The following SUGP1 variants were observed in gnomAD, a reference collection of about 807,000 sequenced individuals.
SUGP1 encodes SURP and G-patch domain containing 1, also known as SURP and G-patch domain-containing protein 1.
A neutral mutation model predicts 76.5 loss-of-function variants in SUGP1; 34 were observed. The ratio of observed to expected loss-of-function variants is 0.44; its 90% CI spans 0.34 to 0.59. The LOEUF is 0.59. SUGP1 is among the 20% of genes least tolerant of loss of function. The pLI, the probability that SUGP1 is intolerant of heterozygous loss-of-function variation, is 0.01. For synonymous variants in SUGP1, 326 were observed against 326.2 expected (o/e 1.00, Z 0.01); for missense variants, 752 against 851.7 (o/e 0.88, Z 1.46).
rs747693249 is a variant in SUGP1 at position 19,278,455 on chromosome 19, CA to C, written c.1635+234del. On this transcript the variant is annotated intron_variant, in intron 11 of 13. Transcript: ENST00000247001. ...TGCACTTAATTGGCTCCACTGGAAGCAAAATTTCCCCCGCAGCCCCAGGAAA... is the reference window on the plus strand; with the variant it reads ...TGCACTTAATTGGCTCCACTGGAAGCAAATTTCCCCCGCAGCCCCAGGAAA... Among the ~76,000 whole-genome samples the C allele has an allele frequency of 9.9e-5, 15 of 152,178 alleles. No individual in the cohort carries two copies. The East Asian group carries it at 2.9e-3, about 29-fold the overall frequency.
At chr19:19,307,447 T>C (rs899320052) in intron 3 of SUGP1, among the ~76,000 whole-genome samples, 7 of 152,028 alleles carry the variant, frequency 4.6e-5, no homozygotes, top group African/African-American at 1.7e-4. Flanking sequence ...AGTTGGACCA[T>C]CTAGACCTAA....
chr19:19,318,425 T>G (rs1368667966), intron 1 of SUGP1, among the ~76,000 whole-genome samples: 1 of 151,730 alleles, frequency 6.6e-6, no homozygotes, highest in Non-Finnish European at 1.5e-5. Flanking sequence ...CAGCCGTTTT[T>G]TTTGTTTTGT....
intron 8 of SUGP1, among the ~76,000 whole-genome samples, chr19:19,288,033 A>G (rs2061154617): frequency 6.6e-6 from 1 of 152,102 alleles, no homozygotes; most frequent in Non-Finnish European, 1.5e-5. Flanking sequence ...TAAATAGTCA[A>G]TATATTTTCT....
intron 3 of SUGP1, among the ~76,000 whole-genome samples, chr19:19,306,671 C>T (rs1262705575): frequency 6.6e-6 from 1 of 152,258 alleles, no homozygotes; most frequent in Non-Finnish European, 1.5e-5. Flanking sequence ...AGAAGCTCCA[C>T]GGGTGACGAT....
chr19:19,317,808 CTTTTTTT>C (rs781257871), intron 1 of SUGP1, among the ~76,000 whole-genome samples: 1 of 110,612 alleles, frequency 9.0e-6, no homozygotes, highest in Non-Finnish European at 1.8e-5. Flanking sequence ...GCCCCAGTGG[CTTTTTTT>C]TTTTTTTTTT....
rs1284466846 is a variant in SUGP1, at chr19:19,303,304, T to C, written c.763+44A>G. On this transcript the variant is annotated intron_variant, in intron 6 of 13. Coordinates refer to ENST00000247001, the MANE Select transcript of SUGP1 (RefSeq NM_172231.4). ...CGATTCCGCATTGGGGCACGGTATG[T>C]CCACAGGCCTCCCCAGAATCTCCCA... 3.9e-6 allele frequency: 6 copies of C among 1,550,110 alleles called. No individual in the cohort carries two copies. The Admixed American group carries it at 1.0e-4, about 26-fold the overall frequency.
intron 1 of SUGP1, among the ~76,000 whole-genome samples, chr19:19,318,086 C>T (rs886555530): frequency 6.7e-6 from 1 of 149,448 alleles, no homozygotes; most frequent in African/African-American, 2.5e-5. Flanking sequence ...GCTGGAATTA[C>T]AGGCGTGAGC....
Position 19,297,363 on chromosome 19 carries a change from G to T in SUGP1, c.888-19C>A. The T allele has an allele frequency of 6.6e-7, 1 of 1,504,772 alleles. No individual in the cohort carries two copies. The allele number at this position is 1,504,772 out of a possible 1,614,324, so 93.2% of individuals were successfully genotyped here. A position where few individuals can be genotyped will look rare whatever the true frequency, so the allele number is the denominator to read the frequency against. ...CAGAAAGCTGCAAAGGAGAGTTGGG[G>T]GGTGCAGTGTCAGCTGGGCCCGAGG... On this transcript the variant is annotated intron_variant, in intron 7 of 13. Coordinates refer to ENST00000247001, the MANE Select transcript of SUGP1 (RefSeq NM_172231.4).
chr19:19,320,278 G>C (rs2061432911), intron 1 of SUGP1, among the ~76,000 whole-genome samples, 185 bp downstream of exon 1: 1 of 152,222 alleles, frequency 6.6e-6, no homozygotes, highest in African/African-American at 2.4e-5. Context: ...AAACCAAGCG[G>C]GGGCGGCCAG....
At chr19:19,301,151 C>T (rs1435103939) in intron 7 of SUGP1, among the ~76,000 whole-genome samples, 1 of 152,136 alleles carries the variant, frequency 6.6e-6, no homozygotes, top group Non-Finnish European at 1.5e-5. Context: ...ATCCCCAGGG[C>T]CAGTCTGACA....
In SUGP1 at chr19:19,310,172, T is replaced by C. The variant is rs199887237; in HGVS notation, c.235A>G (p.Ile79Val). 1 of 1,613,630 alleles carries C rather than the reference T, an allele frequency of 6.2e-7. No homozygotes were observed. Among genetic ancestry groups the C allele is most frequent in the African/African-American group, 1.3e-5 (1 of 74,916 alleles). Residue 79 changes from isoleucine to valine, a missense_variant, in exon 3 of 14, where the codon ATT becomes GTT. By Grantham distance (29) the Ile-to-Val change is conservative (BLOSUM62 3). This residue lies in a region of SUGP1 where 620 missense variants were observed against 617.3 expected (regional missense o/e 1.00). Transcript: ENST00000247001. ...EITNAHNSSC[I>V]SNKFANDGSF... is the part of the protein sequence containing the mutation. Reference sequence around the variant, plus strand: ...CCATCGTTGGCAAACTTGTTGGAAATGCAGGAAGAGTTGTGTGCATTTGTG... The same window carrying C: ...CCATCGTTGGCAAACTTGTTGGAAACGCAGGAAGAGTTGTGTGCATTTGTG...
chr19:19,297,043 G>A lies in SUGP1; in HGVS notation c.1189C>T (p.Pro397Ser), dbSNP rs761900209. The change falls in exon 8 of 14, where the codon CCA becomes TCA. Residue 397 changes from proline (P) to serine (S), a missense_variant. Physicochemically the swap from Pro to Ser is moderately conservative, Grantham distance 74. This residue lies in a region of SUGP1 where 620 missense variants were observed against 617.3 expected (regional missense o/e 1.00). Transcript: ENST00000247001. ...TCCCTCTGCACCAGTTCAGCAGGTG[G>A]GAGCTCTACCTTATCCTCTTCAGGC... ...WGPEEDKVEL[P>S]PAELVQRDVD... 7.7e-5 allele frequency: 123 copies of A among 1,606,776 alleles called. 1 individual carries two copies. In the South Asian group the frequency reaches 1.3e-3, roughly 17 times the overall value.
rs1384874298 is a variant in SUGP1 at position 19,277,891 on chromosome 19, G to C, written c.1636-12C>G. ...GGCTCACGGCCCTCCTGCAAGGTGAGGAGGTAGCTGTCACCCACCAGGGCT... is the reference window on the plus strand; with the variant it reads ...GGCTCACGGCCCTCCTGCAAGGTGACGAGGTAGCTGTCACCCACCAGGGCT... On this transcript the variant is annotated splice_polypyrimidine_tract_variant and intron_variant, in intron 11 of 13. Coordinates refer to ENST00000247001, the MANE Select transcript of SUGP1 (RefSeq NM_172231.4). 3 of 1,612,642 alleles carry C rather than the reference G, an allele frequency of 1.9e-6. No individual in the cohort carries two copies. The highest frequency in any genetic ancestry group is 1.7e-6 in the Non-Finnish European group (2 of 1,179,120).
In SUGP1 at chr19:19,297,688, C is replaced by G. The variant is rs559625635; in HGVS notation, c.888-344G>C. Among the ~76,000 whole-genome samples the G allele has an allele frequency of 1.8e-4, 28 of 152,286 alleles. 1 individual carries two copies. In the South Asian group the frequency reaches 5.8e-3, roughly 32 times the overall value. ...CCTGGGAAAAGTGAGACATTCACACCAAAAAATCTCAGATTGTGGGGAGAC... is the reference window on the plus strand; with the variant it reads ...CCTGGGAAAAGTGAGACATTCACACGAAAAAATCTCAGATTGTGGGGAGAC... On this transcript the variant is annotated intron_variant, in intron 7 of 13. Coordinates refer to ENST00000247001, the MANE Select transcript of SUGP1 (RefSeq NM_172231.4).
At chr19:19,279,823 C>T (rs561600706) in intron 9 of SUGP1, among the ~76,000 whole-genome samples, 2 of 152,338 alleles carry the variant, frequency 1.3e-5, no homozygotes, top group East Asian at 3.9e-4. Flanking sequence ...CTGCACTAGA[C>T]ACGACAGAGG....
In SUGP1 at chr19:19,276,971, G is replaced by C. The variant is rs144854312; in HGVS notation, c.1887C>G (p.Ala629=). ...YEAFRKRMML[A]YRFRPNPLNN... is the part of the protein sequence containing the mutation. ...CCAGGGGGTTGGGCCGGAAGCGGTA[G>C]GCCAGCATCATCCTCTTGCGGAACG... The change falls in exon 13 of 14, where the codon GCC becomes GCG. Residue 629 remains alanine, a synonymous_variant. Transcript: ENST00000247001. The C allele has an allele frequency of 1.1e-4, 184 of 1,613,176 alleles. 1 individual carries two copies. The African/African-American group carries it at 1.9e-3, about 16-fold the overall frequency.
At position 19,282,872 on chromosome 19, in the gene SUGP1, T is replaced by TCGAGACCATCCTGGCTAACA. The variant is rs536211513; in HGVS notation, c.1244-2601_1244-2582dup. Among the ~76,000 whole-genome samples, 115 of 152,190 alleles carry TCGAGACCATCCTGGCTAACA rather than the reference T, an allele frequency of 7.6e-4. No individual in the cohort carries two copies. In the East Asian group the frequency reaches 0.015, roughly 20 times the overall value. ...GTGGGCGGATCACAAGGTCAGAAGA[T>TCGAGACCATCCTGGCTAACA]CGAGACCATCCTGGCTAACACGGTG... On this transcript the variant is annotated intron_variant, in intron 8 of 13. Transcript: ENST00000247001.
At chr19:19,295,117 C>T (rs540021091) in intron 8 of SUGP1, among the ~76,000 whole-genome samples, 3 of 152,030 alleles carry the variant, frequency 2.0e-5, no homozygotes, top group African/African-American at 4.8e-5. Context: ...GGGTAACATA[C>T]TGAGACCTTG....
At chr19:19,284,695 C>T (rs1272786620) in intron 8 of SUGP1, among the ~76,000 whole-genome samples, 2 of 152,148 alleles carry the variant, frequency 1.3e-5, no homozygotes, top group African/African-American at 4.8e-5. Context: ...GGAGCGAAAG[C>T]TGGAGAATAT....
Sources: gnomAD v4.1 joint callset for allele counts (sites outside exome capture counted in the v4.1 genomes callset) on GRCh38, gnomAD v4.1.1 for gene constraint, gnomAD v4.1.1 regional missense constraint, MANE v1.5 for transcripts, NCBI Gene and HGNC (gene_info 2026-07-23, HGNC 2026-07-21) for gene names.